Variants in ABCB1 observed in about 807,000 individuals in gnomAD.
ABCB1 encodes ATP-dependent translocase ABCB1.
Under a neutral mutation model 142.0 loss-of-function variants are expected in ABCB1, and 69 were observed. The ratio of observed to expected loss-of-function variants is 0.49; its 90% CI spans 0.40 to 0.59. ABCB1 has a LOEUF of 0.59. Among genes scored for constraint, ABCB1 ranks in the 20% least tolerant of loss-of-function variants. ABCB1 has a pLI of 0.00. For synonymous variants in ABCB1, 532 were observed against 539.2 expected, an observed-to-expected ratio of 0.99 and a Z score of 0.18; for missense variants, 1,326 against 1,554.7, an observed-to-expected ratio of 0.85 and a Z score of 2.47.
In ABCB1 at chr7:87,575,528, G is replaced by T. The variant is rs1203300150; in HGVS notation, c.287-5305C>A. 4.0e-5 allele frequency among the ~76,000 whole-genome samples: 6 copies of T among 149,746 alleles called. No individual in the cohort carries two copies. The South Asian group carries it at 1.3e-3, about 32-fold the overall frequency. On this transcript the variant is annotated intron_variant, in intron 4 of 27. Transcript: ENST00000622132. ...AGCACAGTTTTTCCCAGGAACTTCC[G>T]TTTTTTTTTCATTTAGCTTTTCTAC...
chr7:87,706,264 G>A (rs181452803), intron 1 of ABCB1, among the ~76,000 whole-genome samples: 1 of 152,078 alleles, frequency 6.6e-6, no homozygotes, highest in African/African-American at 2.4e-5. Flanking sequence ...TATTCTCAGT[G>A]CAGTGGGGGA....
intron 1 of ABCB1, chr7:87,700,383 A>T: frequency 6.6e-7 from 1 of 1,520,508 alleles, no homozygotes; most frequent in Non-Finnish European, 8.9e-7. Context: ...GTTTTATTTT[A>T]CTTTTTAAAA....
intron 25 of ABCB1, 117 bp from the exon 26 acceptor site, chr7:87,509,598 TTG>T: frequency 8.9e-7 from 1 of 1,128,814 alleles, no homozygotes; most frequent in South Asian, 1.3e-5. Flanking sequence ...AAGGAAAAGT[TTG>T]TGTGATTAAA....
chr7:87,709,959 T>C (rs1829919979), intron 1 of ABCB1, among the ~76,000 whole-genome samples: 1 of 152,192 alleles, frequency 6.6e-6, no homozygotes, highest in African/African-American at 2.4e-5. Flanking sequence ...ATATGCTGGC[T>C]TCTGTTTTTT....
intron 1 of ABCB1, among the ~76,000 whole-genome samples, chr7:87,702,625 G>A (rs1829194245): frequency 6.6e-6 from 1 of 152,048 alleles, no homozygotes; most frequent in African/African-American, 2.4e-5. Flanking sequence ...GTTTTGACTT[G>A]TGATACAGTA....
Position 87,614,429 on chromosome 7 carries a change from AAGAG to A in ABCB1, c.-330-13355_-330-13352del, listed in dbSNP as rs549526563. ...GAAAAAGGGAAAGAAAGAAAGAAGA[AAGAG>A]AGAAAGAGAAAGAAAGAGAGAAAGA... On this transcript the variant is annotated intron_variant, in intron 1 of 28. Transcript: ENST00000265724. Among the ~76,000 whole-genome samples the A allele has an allele frequency of 3.7e-3, 570 of 152,160 alleles. 4 individuals carry two copies. The highest frequency in any genetic ancestry group is 6.3e-3 in the Non-Finnish European group (431 of 67,972).
chr7:87,512,876 A>T (rs1815079195), intron 25 of ABCB1, among the ~76,000 whole-genome samples: 1 of 152,158 alleles, frequency 6.6e-6, no homozygotes, highest in Admixed American at 6.5e-5. Context: ...ATGTCTTGGG[A>T]TGCTTACTGT....
intron 1 of ABCB1, among the ~76,000 whole-genome samples, chr7:87,653,102 A>G (rs922280634): frequency 6.6e-6 from 1 of 152,042 alleles, no homozygotes; most frequent in Non-Finnish European, 1.5e-5. Context: ...CAGATATATT[A>G]ATATTATTTG....
At chr7:87,505,613 G>A (rs1022202320) in intron 27 of ABCB1, among the ~76,000 whole-genome samples, 7 of 152,178 alleles carry the variant, frequency 4.6e-5, no homozygotes, top group Admixed American at 6.5e-5. Flanking sequence ...TTGCTGAAGA[G>A]ATGCTGCCAG....
At chr7:87,690,422 G>A (rs1400461775) in intron 1 of ABCB1, among the ~76,000 whole-genome samples, 1 of 152,080 alleles carries the variant, frequency 6.6e-6, no homozygotes, top group African/African-American at 2.4e-5. Context: ...TAGGTACTCA[G>A]TATTTTAAAA....
chr7:87,534,838 C>T (rs1816209234), intron 20 of ABCB1, among the ~76,000 whole-genome samples: 1 of 149,106 alleles, frequency 6.7e-6, no homozygotes, highest in South Asian at 2.1e-4. Flanking sequence ...TTGCTTGAGC[C>T]CATGAGTTCT....
chr7:87,628,236 T>A (rs1387509625), intron 1 of ABCB1, among the ~76,000 whole-genome samples: 1 of 152,218 alleles, frequency 6.6e-6, no homozygotes, highest in Non-Finnish European at 1.5e-5. Context: ...CCCAGCGTCC[T>A]TGACAGCAGC....
chr7:87,594,402 C>T (rs1396388599), intron 3 of ABCB1, among the ~76,000 whole-genome samples: 2 of 152,072 alleles, frequency 1.3e-5, no homozygotes, highest in Admixed American at 6.6e-5. Flanking sequence ...TATTAAAGCT[C>T]CATATTTTTA....
In ABCB1 at chr7:87,544,677, G is replaced by C. The variant is rs961272988; in HGVS notation, c.2064+146C>G. On this transcript the variant is annotated intron_variant, in intron 16 of 27. Transcript: ENST00000622132. ...AATTAATACTTTTAAATTCTAACCTGATTCTAAAATGTTGACATTCTGGGG... is the reference window on the plus strand; with the variant it reads ...AATTAATACTTTTAAATTCTAACCTCATTCTAAAATGTTGACATTCTGGGG... 15 of 786,566 alleles carry C rather than the reference G, an allele frequency of 1.9e-5. No individual in the cohort carries two copies. The Admixed American group carries it at 2.0e-4, about 10-fold the overall frequency. 48.7% of individuals were successfully genotyped at this position (786,566 alleles called of 1,614,324 possible). A position where few individuals can be genotyped will look rare whatever the true frequency, so the allele number is the denominator to read the frequency against.
chr7:87,519,446 T>C lies in ABCB1; in HGVS notation c.2807A>G (p.His936Arg). The C allele has an allele frequency of 3.7e-6, 6 of 1,614,108 alleles. No individual in the cohort carries two copies. The highest frequency in any genetic ancestry group is 5.1e-6 in the Non-Finnish European group (6 of 1,179,954). Residue 936 changes from histidine to arginine, a missense_variant, in exon 23 of 28, where the codon CAC (histidine) becomes CGC (arginine). Transcript: ENST00000622132. ...GAAGGAAAATGTAATTCCAAAGATG[T>C]GTGCTTTCCTCAAAGAGTTTCTGAA... ...VPYRNSLRKAHIFGITFSFTQ... is the reference protein window; with the variant it reads ...VPYRNSLRKARIFGITFSFTQ...
In ABCB1 at chr7:87,516,653, A is replaced by C. The variant is rs1308997687; in HGVS notation, c.2940T>G (p.Ala980=). ...CCACGGCCATGGCACCAAAGACAAC[A>C]GCTGAAAATACTCTGGAAAGCACAA... ...SFEDVLLVFS[A]VVFGAMAVGQ... is the part of the protein sequence containing the mutation. Residue 980 remains alanine (A), a synonymous_variant, in exon 24 of 28, where the codon GCT becomes GCG. Coordinates refer to ENST00000622132, the MANE Select transcript of ABCB1 (RefSeq NM_001348946.2). 1.9e-6 allele frequency: 3 copies of C among 1,613,984 alleles called. No individual in the cohort carries two copies. Among genetic ancestry groups the C allele is most frequent in the South Asian group, 1.1e-5 (1 of 91,072 alleles).
chr7:87,628,639 A>T, intron 1 of ABCB1: 2 of 340,402 alleles, frequency 5.9e-6, no homozygotes, highest in Non-Finnish European at 5.1e-6. Flanking sequence ...CTCGGGTGCC[A>T]AGGGCGAGCC....
At chr7:87,669,502 T>C (rs1825618435) in intron 1 of ABCB1, among the ~76,000 whole-genome samples, 1 of 152,222 alleles carries the variant, frequency 6.6e-6, no homozygotes, top group Admixed American at 6.5e-5. Flanking sequence ...TGTGTGGATT[T>C]GATCCTGTCT....
intron 1 of ABCB1, among the ~76,000 whole-genome samples, chr7:87,702,559 G>A (rs887068991): frequency 4.6e-5 from 7 of 152,214 alleles, no homozygotes; most frequent in East Asian, 1.9e-4. Flanking sequence ...GATTACAGGC[G>A]TTGAGTCACC....
Sources: allele counts gnomAD v4.1 joint callset (sites outside exome capture counted in the v4.1 genomes callset), GRCh38; gene constraint gnomAD v4.1.1; transcripts MANE v1.5; gene names NCBI Gene and HGNC (gene_info 2026-07-23, HGNC 2026-07-21).